Variants in IDE observed in about 807,000 individuals in gnomAD.
IDE encodes the protein insulin degrading enzyme.
IDE carries 58 observed loss-of-function variants against 133.2 expected under a neutral mutation model. That is an observed-to-expected ratio of 0.44 (90% CI 0.35 to 0.54). IDE has a LOEUF of 0.54. Among genes scored for constraint, IDE ranks in the 20% least tolerant of loss-of-function variants. The pLI is 0.00. For synonymous variants in IDE, 396 were observed against 421.3 expected, an observed-to-expected ratio of 0.94 and a Z score of 0.73; for missense variants, 981 against 1,234.0, an observed-to-expected ratio of 0.79 and a Z score of 3.07.
At chr10:92,486,143 G>C (rs888388674) in intron 13 of IDE, among the ~76,000 whole-genome samples, 1 of 152,120 alleles carries the variant, frequency 6.6e-6, no homozygotes, top group Non-Finnish European at 1.5e-5. Context: ...GAGGTCAAGA[G>C]TTCGAGGCCA....
At chr10:92,558,620 G>A (rs929776975) in intron 1 of IDE, among the ~76,000 whole-genome samples, 2 of 152,080 alleles carry the variant, frequency 1.3e-5, no homozygotes, top group Non-Finnish European at 2.9e-5. Flanking sequence ...TGAAGATGGA[G>A]TTTCACTCTC....
intron 1 of IDE, among the ~76,000 whole-genome samples, chr10:92,556,036 G>A (rs545936352): frequency 1.0e-3 from 156 of 151,778 alleles, no homozygotes; most frequent in African/African-American, 3.5e-3. Context: ...AGCGGGGCGC[G>A]GTGGCGGGCG....
chr10:92,539,651 C>G (rs1384848473), intron 1 of IDE, among the ~76,000 whole-genome samples: 1 of 151,964 alleles, frequency 6.6e-6, no homozygotes, highest in East Asian at 1.9e-4. Context: ...GTAGTCCCAG[C>G]TACCTGGGAG....
Position 92,510,128 on chromosome 10 carries a change from CTT to C in IDE, c.817_818del (p.Lys273ValfsTer4), listed in dbSNP as rs1245033384. The C allele has an allele frequency of 6.3e-7, 1 of 1,599,214 alleles. No homozygotes were observed. Among genetic ancestry groups the C allele is most frequent in the African/African-American group, 1.3e-5 (1 of 74,680 alleles). On this transcript the variant is annotated frameshift_variant, in exon 6 of 25. Transcript: ENST00000265986. LOFTEE classifies it high-confidence loss of function. The stretch of plus-strand genomic sequence containing the variant: ...TTTTGTTCTCTACTTCAGAAAATAA[CTT>C]TACCACCAGATTAGTCAAGTCATCT... ...SLDDLTNLVV[K>X]LFSEVENKNV...
chr10:92,573,485 G>A (rs12783634), intron 1 of IDE, among the ~76,000 whole-genome samples: 9,038 of 152,340 alleles, frequency 0.059, 350 homozygotes, highest in Middle Eastern at 0.088. Context: ...AGGGCAAGGT[G>A]AGAAGCGGTC....
intron 11 of IDE, among the ~76,000 whole-genome samples, chr10:92,495,687 C>A (rs967493946): frequency 1.3e-5 from 2 of 151,606 alleles, no homozygotes; most frequent in African/African-American, 2.4e-5. Flanking sequence ...ATTAGATGAA[C>A]CCTCTCCTTC....
At position 92,470,282 on chromosome 10, in the gene IDE, G is replaced by A; in HGVS notation, c.2180C>T (p.Ala727Val). Residue 727 changes from alanine to valine, a missense_variant, in exon 18 of 25, where the codon GCC becomes GTC. Coordinates refer to ENST00000265986, the MANE Select transcript of IDE (RefSeq NM_004969.4). ...PQLLSRLHIE[A>V]LLHGNITKQA... ...CTTTGTTATGTTTCCATGGAGAAGG[G>A]CTTCAATGTGCAGCCGTGACAGGAG... 6.2e-7 allele frequency: 1 copy of A among 1,605,002 alleles called. No individual in the cohort carries two copies. The highest frequency in any genetic ancestry group is 8.5e-7 in the Non-Finnish European group (1 of 1,175,208).
chr10:92,455,402 A>G (rs1265477608), intron 24 of IDE, among the ~76,000 whole-genome samples, 174 bp downstream of exon 24: 1 of 152,138 alleles, frequency 6.6e-6, no homozygotes, highest in Admixed American at 6.6e-5. Flanking sequence ...CTTGAACCCA[A>G]GAAGTGGAGG....
At chr10:92,491,481 G>C (rs74231311) in intron 11 of IDE, among the ~76,000 whole-genome samples, 2 of 152,118 alleles carry the variant, frequency 1.3e-5, no homozygotes, top group Non-Finnish European at 2.9e-5. Flanking sequence ...GCTACTAGGG[G>C]AGAAAGGGAC....
chr10:92,519,933 C>T (rs113002097), intron 4 of IDE, among the ~76,000 whole-genome samples: 177 of 152,206 alleles, frequency 1.2e-3, no homozygotes, highest in East Asian at 7.2e-3. Context: ...GGCAAAACCC[C>T]GTCCTACTAA....
chr10:92,480,398 T>C (rs1285746791), intron 14 of IDE, among the ~76,000 whole-genome samples: 1 of 152,206 alleles, frequency 6.6e-6, no homozygotes, highest in African/African-American at 2.4e-5. Flanking sequence ...AGGGGACACA[T>C]AATAATAAAT....
chr10:92,480,066 C>G (rs1462080392), intron 14 of IDE, among the ~76,000 whole-genome samples: 1 of 152,120 alleles, frequency 6.6e-6, no homozygotes. Flanking sequence ...TGAGAAAGAA[C>G]AAAGAAGAAA....
chr10:92,458,188 T>TA (rs1378674364), intron 22 of IDE, among the ~76,000 whole-genome samples: 1 of 152,180 alleles, frequency 6.6e-6, no homozygotes, highest in Non-Finnish European at 1.5e-5. Flanking sequence ...TAAGGAACAC[T>TA]ACAGTCCTGG....
Position 92,454,488 on chromosome 10 carries a change from G to C in IDE, c.3016C>G (p.Pro1006Ala). The C allele has an allele frequency of 1.2e-6, 2 of 1,613,960 alleles. No individual in the cohort carries two copies. Among genetic ancestry groups the C allele is most frequent in the Non-Finnish European group, 1.7e-6 (2 of 1,179,806 alleles). ...AAGTTAATATGTGGTTTCACAAGGG[G>C]AAACAGTGGCAGACCACGCTTGAAT... ...TEFKRGLPLF[P>A]LVKPHINFMA... The change falls in exon 25 of 25, where the codon CCC becomes GCC. Residue 1006 changes from proline to alanine, a missense_variant. Coordinates refer to ENST00000265986, the MANE Select transcript of IDE (RefSeq NM_004969.4).
At chr10:92,572,736 C>G (rs1474318970) in intron 1 of IDE, among the ~76,000 whole-genome samples, 1 of 152,126 alleles carries the variant, frequency 6.6e-6, no homozygotes, top group African/African-American at 2.4e-5. Flanking sequence ...AAGCTTCAAC[C>G]AGACTAATCG....
At chr10:92,512,955 A>T (rs1848707170) in intron 5 of IDE, among the ~76,000 whole-genome samples, 2 of 152,156 alleles carry the variant, frequency 1.3e-5, no homozygotes, top group African/African-American at 4.8e-5. Context: ...AACAGGTACA[A>T]TGTACCACCC....
At chr10:92,455,127 C>A (rs1479282121) in intron 24 of IDE, among the ~76,000 whole-genome samples, 1 of 152,080 alleles carries the variant, frequency 6.6e-6, no homozygotes, top group Non-Finnish European at 1.5e-5. Context: ...AAAGTAGAAG[C>A]TCCAACACCT....
At chr10:92,503,457 C>T (rs1398272040) in intron 11 of IDE, among the ~76,000 whole-genome samples, 1 of 152,108 alleles carries the variant, frequency 6.6e-6, no homozygotes, top group Non-Finnish European at 1.5e-5. Context: ...TAGCTGAATC[C>T]TAGCATGAGG....
Position 92,500,311 on chromosome 10 carries a change from C to A in IDE, c.1430+4483G>T, listed in dbSNP as rs562316398. On this transcript the variant is annotated intron_variant, in intron 11 of 24. Transcript: ENST00000265986. ...AAACTCCATCTCAAAAAAAAAAAAA[C>A]CCCAACTGACTGATAGATGAATGCA... Among the ~76,000 whole-genome samples the A allele has an allele frequency of 5.1e-3, 767 of 149,954 alleles. 7 individuals carry two copies. Among genetic ancestry groups the A allele is most frequent in the African/African-American group, 0.017 (690 of 40,848 alleles).
Sources: allele counts gnomAD v4.1 joint callset (sites outside exome capture counted in the v4.1 genomes callset), GRCh38; gene constraint gnomAD v4.1.1; transcripts MANE v1.5; gene names NCBI Gene and HGNC (gene_info 2026-07-23, HGNC 2026-07-21).